ZNF804B: variants seen among roughly 807,000 people sequenced by gnomAD.
ZNF804B encodes the protein zinc finger 804B.
A neutral mutation model predicts 101.4 loss-of-function variants in ZNF804B; 80 were observed. The ratio of observed to expected loss-of-function variants is 0.79; its 90% confidence interval spans 0.66 to 0.95. The LOEUF is 0.95. Ranked by LOEUF, ZNF804B falls within the 40% of genes least tolerant of loss-of-function variation. The probability of loss-of-function intolerance (pLI) is 0.00; values close to 1 mark genes in which losing one functional copy is unlikely to be tolerated. For synonymous variants in ZNF804B, 622 were observed against 558.8 expected, an observed-to-expected ratio of 1.11 and a Z score of -1.59; for missense variants, 1,673 against 1,561.9, an observed-to-expected ratio of 1.07 and a Z score of -1.20.
Position 89,280,548 on chromosome 7 carries a change from C to T in ZNF804B, c.250-46796C>T, listed in dbSNP as rs1163647165. ...AAGAAAAAGAGAAGAATCAAATAGACGCAATAAAAAATGATAAAGGGGATA... is the reference window on the plus strand; with the variant it reads ...AAGAAAAAGAGAAGAATCAAATAGATGCAATAAAAAATGATAAAGGGGATA... On this transcript the variant is annotated intron_variant, in intron 2 of 3. Transcript: ENST00000333190. Among the ~76,000 whole-genome samples, 13 of 152,130 alleles carry T rather than the reference C, an allele frequency of 8.5e-5. No individual in the cohort carries two copies. The South Asian group carries it at 2.1e-3, about 24-fold the overall frequency.
At chr7:88,798,534 T>C (rs1346588947) in intron 1 of ZNF804B, among the ~76,000 whole-genome samples, 1 of 152,120 alleles carries the variant, frequency 6.6e-6, no homozygotes. Flanking sequence ...GACATCTTTA[T>C]TCCATTTTCC....
At chr7:88,811,539 C>T (rs959786972) in intron 1 of ZNF804B, among the ~76,000 whole-genome samples, 3 of 152,118 alleles carry the variant, frequency 2.0e-5, no homozygotes, top group Admixed American at 1.3e-4. Flanking sequence ...TTTACTGCAG[C>T]ACTATTTACA....
Position 89,333,801 on chromosome 7 carries a change from A to G in ZNF804B, c.819A>G (p.Thr273=), listed in dbSNP as rs1332337743. The G allele has an allele frequency of 6.2e-6, 10 of 1,613,314 alleles. No individual in the cohort carries two copies. The East Asian group carries it at 2.0e-4, about 32-fold the overall frequency. ...CKCCRFANKD[T]HLTKEKEVNI... ...GCTGCAGGTTTGCAAATAAAGATAC[A>G]CACCTTACCAAGGAAAAAGAGGTAA... Residue 273 remains threonine, a synonymous_variant, in exon 4 of 4, where the codon ACA becomes ACG. Transcript: ENST00000333190.
chr7:89,305,854 T>C (rs895474942), intron 2 of ZNF804B, among the ~76,000 whole-genome samples: 1 of 152,038 alleles, frequency 6.6e-6, no homozygotes, highest in Non-Finnish European at 1.5e-5. Context: ...TCTATGTACA[T>C]TGAATAAAGA....
intron 2 of ZNF804B, among the ~76,000 whole-genome samples, chr7:89,269,654 G>T (rs1483605150): frequency 1.3e-5 from 2 of 152,152 alleles, no homozygotes; most frequent in Admixed American, 6.5e-5. Flanking sequence ...CTTCCACAAT[G>T]GTTGAACTAG....
At position 88,984,380 on chromosome 7, in the gene ZNF804B, T is replaced by C. The variant is rs536575258; in HGVS notation, c.108+224296T>C. Among the ~76,000 whole-genome samples the C allele has an allele frequency of 2.0e-5, 3 of 152,154 alleles. No homozygotes were observed. In the East Asian group the frequency reaches 5.8e-4, roughly 29 times the overall value. The stretch of plus-strand genomic sequence containing the variant: ...AATCAAGTAATTGTGTTTTTGCATG[T>C]TTTTGTTTCTTTGTTTGTTGTTTAC... On this transcript the variant is annotated intron_variant, in intron 1 of 3. Coordinates refer to ENST00000333190, the MANE Select transcript of ZNF804B (RefSeq NM_181646.5).
chr7:88,954,776 T>C (rs950095956), intron 1 of ZNF804B, among the ~76,000 whole-genome samples: 1 of 151,786 alleles, frequency 6.6e-6, no homozygotes, highest in Non-Finnish European at 1.5e-5. Flanking sequence ...GAAAAGTTAA[T>C]GGGTGAAAGG....
intron 1 of ZNF804B, among the ~76,000 whole-genome samples, chr7:89,053,994 A>C (rs1308365790): frequency 6.6e-6 from 1 of 151,854 alleles, no homozygotes; most frequent in Non-Finnish European, 1.5e-5. Flanking sequence ...TATGGCTTTA[A>C]CCTCTTTTAA....
chr7:88,878,782 A>G (rs967775561), intron 1 of ZNF804B, among the ~76,000 whole-genome samples: 2 of 152,202 alleles, frequency 1.3e-5, no homozygotes, highest in African/African-American at 4.8e-5. Flanking sequence ...TAAATAAATC[A>G]GTTTGCCTTT....
chr7:89,102,423 A>C (rs1390160769), intron 1 of ZNF804B, among the ~76,000 whole-genome samples: 4 of 151,892 alleles, frequency 2.6e-5, no homozygotes, highest in Non-Finnish European at 5.9e-5. Context: ...TAGATGTTGC[A>C]TTTCTCTGGT....
intron 1 of ZNF804B, among the ~76,000 whole-genome samples, chr7:89,021,922 G>T (rs1337595791): frequency 3.3e-5 from 5 of 152,206 alleles, no homozygotes; most frequent in Non-Finnish European, 7.3e-5. Context: ...CTAATCAGTA[G>T]TAATGCTGCT....
chr7:89,215,072 C>T (rs1245271222), intron 1 of ZNF804B, among the ~76,000 whole-genome samples: 1 of 152,114 alleles, frequency 6.6e-6, no homozygotes, highest in Admixed American at 6.5e-5. Context: ...ATTTATACTC[C>T]TCCTGTTCAC....
chr7:89,044,061 A>T (rs149136464), intron 1 of ZNF804B, among the ~76,000 whole-genome samples: 450 of 152,332 alleles, frequency 3.0e-3, no homozygotes, highest in Middle Eastern at 0.01. Flanking sequence ...AGCCAGACAC[A>T]GAAAGACAGA....
chr7:88,913,890 A>T (rs1792589936), intron 1 of ZNF804B, among the ~76,000 whole-genome samples: 1 of 152,246 alleles, frequency 6.6e-6, no homozygotes, highest in African/African-American at 2.4e-5. Flanking sequence ...AGGATTGCTA[A>T]GAGGCAATAA....
intron 1 of ZNF804B, among the ~76,000 whole-genome samples, chr7:88,919,508 A>T (rs532951834): frequency 1.3e-5 from 2 of 152,208 alleles, no homozygotes; most frequent in East Asian, 3.9e-4. Context: ...TAGAGGAAGC[A>T]CTCTCTATTA....
At chr7:89,288,400 G>A (rs2115890262) in intron 2 of ZNF804B, among the ~76,000 whole-genome samples, 1 of 152,130 alleles carries the variant, frequency 6.6e-6, no homozygotes, top group Non-Finnish European at 1.5e-5. Context: ...TTATCTCATG[G>A]ATTCAAGCAA....
chr7:88,920,275 T>G (rs532235449), intron 1 of ZNF804B, among the ~76,000 whole-genome samples: 12 of 152,116 alleles, frequency 7.9e-5, no homozygotes, highest in Non-Finnish European at 1.3e-4. Context: ...TAGTACAGTA[T>G]TAATTTTGCA....
At chr7:88,817,469 G>C (rs1790903807) in intron 1 of ZNF804B, among the ~76,000 whole-genome samples, 1 of 152,090 alleles carries the variant, frequency 6.6e-6, no homozygotes, top group Non-Finnish European at 1.5e-5. Context: ...CTCTATGGTG[G>C]AATTGTCCAT....
chr7:89,082,862 C>A (rs1789716269), intron 1 of ZNF804B, among the ~76,000 whole-genome samples: 3 of 151,510 alleles, frequency 2.0e-5, no homozygotes, highest in African/African-American at 4.8e-5. Flanking sequence ...AAATGAGTGA[C>A]CTAAAGAGAA....
Sources: gnomAD v4.1 joint callset for allele counts (sites outside exome capture counted in the v4.1 genomes callset) on GRCh38, gnomAD v4.1.1 for gene constraint, MANE v1.5 for transcripts, NCBI Gene and HGNC (gene_info 2026-07-23, HGNC 2026-07-21) for gene names.